Variants in TIAM2 observed in about 807,000 individuals in gnomAD.
The protein encoded by TIAM2 is rho guanine nucleotide exchange factor TIAM2.
TIAM2 carries 80 observed loss-of-function variants against 152.9 expected under a neutral mutation model. The observed-to-expected ratio is 0.52, with a 90% CI of 0.44 to 0.63. TIAM2 has a LOEUF of 0.63. Among genes scored for constraint, TIAM2 ranks in the 30% least tolerant of loss-of-function variants. The pLI is 0.00. For missense variants in TIAM2, 1,965 were observed against 2,120.1 expected (o/e 0.93, Z 1.44); for synonymous variants, 804 against 838.0 (o/e 0.96, Z 0.70).
chr6:155,093,133 G>A (rs751462983), intron 2 of TIAM2, among the ~76,000 whole-genome samples: 1 of 152,176 alleles, frequency 6.6e-6, no homozygotes, highest in Admixed American at 6.5e-5. Flanking sequence ...TTCCAGTTGT[G>A]CTTGTTTTGT....
intron 21 of TIAM2, chr6:155,250,584 G>C (rs1358269263): frequency 6.5e-7 from 1 of 1,535,906 alleles, no homozygotes. Context: ...GATCCCAGGG[G>C]AAAGCTTACA....
intron 4 of TIAM2, among the ~76,000 whole-genome samples, chr6:155,131,606 G>C (rs1779446481): frequency 6.7e-6 from 1 of 149,298 alleles, no homozygotes; most frequent in South Asian, 2.1e-4. Flanking sequence ...TTGAGACAGA[G>C]TATCGCTCCG....
chr6:155,200,190 G>C (rs1013108911), intron 14 of TIAM2, among the ~76,000 whole-genome samples: 2 of 152,210 alleles, frequency 1.3e-5, no homozygotes, highest in East Asian at 1.9e-4. Context: ...ATTCTTATCT[G>C]AGGGTTGGGA....
At chr6:155,160,691 G>A (rs143747270) in intron 7 of TIAM2, among the ~76,000 whole-genome samples, 290 of 152,244 alleles carry the variant, frequency 1.9e-3, no homozygotes, top group African/African-American at 6.6e-3. Context: ...AGCGCAGGAA[G>A]CAGAGGTTGC....
At chr6:155,173,589 C>T (rs1035486647) in intron 9 of TIAM2, among the ~76,000 whole-genome samples, 6 of 152,174 alleles carry the variant, frequency 3.9e-5, no homozygotes, top group Non-Finnish European at 7.3e-5. Flanking sequence ...CAGCGTTTAC[C>T]CTTCTGCCTG....
At chr6:155,175,423 G>A (rs913554933) in intron 9 of TIAM2, among the ~76,000 whole-genome samples, 2 of 152,170 alleles carry the variant, frequency 1.3e-5, no homozygotes, top group African/African-American at 2.4e-5. Context: ...TAACTTTAAA[G>A]TATGATGAAT....
chr6:155,117,249 C>A (rs1014883575), intron 2 of TIAM2, among the ~76,000 whole-genome samples: 1 of 149,882 alleles, frequency 6.7e-6, no homozygotes, highest in African/African-American at 2.5e-5. Flanking sequence ...TTCAGAGAAG[C>A]TCCTTGATTT....
chr6:155,155,399 C>T (rs1178568693), intron 7 of TIAM2, among the ~76,000 whole-genome samples: 1 of 152,178 alleles, frequency 6.6e-6, no homozygotes, highest in Non-Finnish European at 1.5e-5. Flanking sequence ...CTCCTGACCT[C>T]AACTGATCCG....
intron 14 of TIAM2, among the ~76,000 whole-genome samples, chr6:155,195,759 A>G (rs774898033): frequency 2.6e-5 from 4 of 152,354 alleles, no homozygotes; most frequent in South Asian, 2.1e-4. Flanking sequence ...CTAGGAGCAC[A>G]GGCTTGTGGG....
At chr6:155,111,343 C>T (rs1052852007) in intron 2 of TIAM2, among the ~76,000 whole-genome samples, 7 of 144,256 alleles carry the variant, frequency 4.9e-5, no homozygotes, top group South Asian at 2.2e-4. Context: ...ACACACTCTC[C>T]GTTGAAAATT....
At chr6:155,070,858 G>C (rs1255052069) in intron 1 of TIAM2, among the ~76,000 whole-genome samples, 1 of 152,062 alleles carries the variant, frequency 6.6e-6, no homozygotes, top group African/African-American at 2.4e-5. Context: ...GCTCAGCTTG[G>C]GTTTTGAATG....
chr6:155,170,587 T>A (rs542832166), intron 9 of TIAM2, among the ~76,000 whole-genome samples: 2 of 152,170 alleles, frequency 1.3e-5, no homozygotes, highest in African/African-American at 4.8e-5. Flanking sequence ...GGTGGCAGAG[T>A]AAGACCCCAT....
intron 5 of TIAM2, among the ~76,000 whole-genome samples, chr6:155,142,846 A>C (rs1779741468): frequency 6.6e-6 from 1 of 152,214 alleles, no homozygotes; most frequent in South Asian, 2.1e-4. Context: ...CTGCTTCCGA[A>C]GTCCAAGCTT....
chr6:155,229,540 G>A (rs1782375204), intron 15 of TIAM2, among the ~76,000 whole-genome samples: 1 of 152,184 alleles, frequency 6.6e-6, no homozygotes, highest in Admixed American at 6.5e-5. Flanking sequence ...TCATGGCCAT[G>A]GCCAAGAAAG....
rs1473255179 is a variant in TIAM2 at position 155,092,639 on chromosome 6, T to G, written c.-118+2260T>G. Reference sequence around the variant, plus strand: ...GGGAGGCTGAGGCAGGCGGATCACCTGAGGTCGGGAGTTCAAGACCAGTCT... The same window carrying G: ...GGGAGGCTGAGGCAGGCGGATCACCGGAGGTCGGGAGTTCAAGACCAGTCT... On this transcript the variant is annotated intron_variant, in intron 2 of 26. Coordinates refer to ENST00000682666, the MANE Select transcript of TIAM2 (RefSeq NM_012454.4). Among the ~76,000 whole-genome samples, 3 of 152,028 alleles carry G rather than the reference T, an allele frequency of 2.0e-5. No homozygotes were observed. In the East Asian group the frequency reaches 5.8e-4, roughly 29 times the overall value.
At chr6:155,169,116 C>A (rs896437359) in intron 9 of TIAM2, among the ~76,000 whole-genome samples, 4 of 152,204 alleles carry the variant, frequency 2.6e-5, no homozygotes, top group Non-Finnish European at 5.9e-5. Context: ...CTGCCTCAGC[C>A]TCCCGAGTAG....
chr6:155,046,104 A>C (rs1777168882), intron 1 of TIAM2, among the ~76,000 whole-genome samples: 3 of 151,702 alleles, frequency 2.0e-5, no homozygotes, highest in Admixed American at 2.0e-4. Context: ...CCGTGGAAGG[A>C]GGCTTCCCAC....
rs142247684 is a variant in TIAM2, at chr6:155,080,285, G to C, written c.-208-10004G>C. Among the ~76,000 whole-genome samples, 1,134 of 151,910 alleles carry C rather than the reference G, an allele frequency of 7.5e-3. 6 individuals carry two copies. The highest frequency in any genetic ancestry group is 0.011 in the Non-Finnish European group (761 of 67,940). ...GGTGCCTCTTTATCTCCCTTGGACT[G>C]GTTGTCAGTGGGAGGAAATGAAAAC... On this transcript the variant is annotated intron_variant, in intron 1 of 26. Transcript: ENST00000682666.
At chr6:155,127,737 C>A in intron 3 of TIAM2, 137 bp downstream of exon 3, 1 of 396,126 alleles carries the variant, frequency 2.5e-6, no homozygotes, top group South Asian at 1.9e-5. Context: ...AAAAGTCAAT[C>A]CATTTAACTT....
Sources: gnomAD v4.1 joint callset for allele counts (sites outside exome capture counted in the v4.1 genomes callset) on GRCh38, gnomAD v4.1.1 for gene constraint, MANE v1.5 for transcripts, NCBI Gene and HGNC (gene_info 2026-07-23, HGNC 2026-07-21) for gene names.